LRRC56: variants seen among roughly 807,000 people sequenced by gnomAD.
LRRC56 encodes leucine-rich repeat-containing protein 56.
Under a neutral mutation model 47.8 loss-of-function variants are expected in LRRC56, and 41 were observed. The ratio of observed to expected loss-of-function variants is 0.86; its 90% CI spans 0.67 to 1.11. LRRC56 has a LOEUF of 1.11. Ranked by LOEUF, LRRC56 falls within the 50% of genes most tolerant of loss-of-function variation. The pLI is 0.00. For synonymous variants in LRRC56, 387 were observed against 311.2 expected, an observed-to-expected ratio of 1.24 and a Z score of -2.56; for missense variants, 759 against 704.2, an observed-to-expected ratio of 1.08 and a Z score of -0.88.
chr11:520,614 C>T, the LRRC56 span, among the ~76,000 whole-genome samples: 1 of 152,116 alleles, frequency 6.6e-6, no homozygotes, highest in Non-Finnish European at 1.5e-5. Flanking sequence ...CCACCGCGCC[C>T]GGCCTAGTAT....
chr11:517,814 T>C, the LRRC56 span, among the ~76,000 whole-genome samples: 1 of 152,246 alleles, frequency 6.6e-6, no homozygotes, highest in African/African-American at 2.4e-5. Flanking sequence ...CTCCGTTTTG[T>C]TCTGTACTAA....
Position 549,929 on chromosome 11 carries a change from G to A in LRRC56, c.354G>A (p.Leu118=), listed in dbSNP as rs1171824061. The change falls in exon 7 of 14, where the codon CTG becomes CTA. Residue 118 remains leucine, a synonymous_variant. Coordinates refer to ENST00000270115, the MANE Select transcript of LRRC56 (RefSeq NM_198075.4). ...LRDLGTSLGH[L]QVLWLARCGL... The stretch of plus-strand genomic sequence containing the variant: ...ACTTGGGCACGTCTCTGGGCCACCT[G>A]CAGGTGCTGTGGCTGGCTCGCTGTG... 1 of 1,612,888 alleles carries A rather than the reference G, an allele frequency of 6.2e-7. No homozygotes were observed. The highest frequency in any genetic ancestry group is 1.3e-5 in the African/African-American group (1 of 74,934).
At chr11:533,329 G>A (rs1057522069), upstream of LRRC56, 12 of 1,604,484 alleles carry the variant, frequency 7.5e-6, no homozygotes, top group Admixed American at 3.3e-5. Flanking sequence ...AGAGGGTCCC[G>A]GAGCTGGAGC....
chr11:541,589 G>T lies in LRRC56; in HGVS notation c.230G>T (p.Cys77Phe). 1 of 1,591,650 alleles carries T rather than the reference G, an allele frequency of 6.3e-7. No homozygotes were observed. The stretch of plus-strand genomic sequence containing the variant: ...CGGCTGGTGAGGACGCTGGAGATGT[G>T]TGTGGACACTCGTGAGGGCAGCCTG... ...DLRLVRTLEM[C>F]VDTREGSLGN... Residue 77 changes from cysteine to phenylalanine, a missense_variant, in exon 5 of 14, where the codon TGT becomes TTT. Cys to Phe is a radical substitution (Grantham distance 205). Transcript: ENST00000270115. The surrounding 1 kb of genome is among the most constrained non-coding windows in gnomAD (Gnocchi z 4.1).
Position 550,070 on chromosome 11 carries a change from A to T in LRRC56, c.424-2A>T. 6.2e-7 allele frequency: 1 copy of T among 1,611,796 alleles called. No homozygotes were observed. Among genetic ancestry groups the T allele is most frequent in the Non-Finnish European group, 8.5e-7 (1 of 1,178,696 alleles). On this transcript the variant is annotated splice_acceptor_variant, in intron 7 of 13. Transcript: ENST00000270115. LOFTEE classifies it high-confidence loss of function. ...CCTGGCTCAGAGCCCCGCGCTGCCCAGGAACTCTACGCCTCCTACAACAAC... is the reference window on the plus strand; with the variant it reads ...CCTGGCTCAGAGCCCCGCGCTGCCCTGGAACTCTACGCCTCCTACAACAAC...
chr11:509,833 G>A, the LRRC56 span, among the ~76,000 whole-genome samples: 166 of 151,502 alleles, frequency 1.1e-3, 1 homozygote, highest in African/African-American at 3.9e-3. Context: ...AAAGTGCCTG[G>A]CCTTCATTTT....
intron 1 of LRRC56, among the ~76,000 whole-genome samples, chr11:537,806 C>T (rs1402907741): frequency 6.6e-6 from 1 of 152,182 alleles, no homozygotes; most frequent in Non-Finnish European, 1.5e-5. Flanking sequence ...GAAAGGGCTC[C>T]CTGTCAGGAG....
In LRRC56 at chr11:550,828, C is replaced by G. The variant is rs527808469; in HGVS notation, c.625-303C>G. 3.9e-5 allele frequency among the ~76,000 whole-genome samples: 6 copies of G among 152,284 alleles called. No individual in the cohort carries two copies. In the East Asian group the frequency reaches 1.2e-3, roughly 29 times the overall value. On this transcript the variant is annotated intron_variant, in intron 8 of 13. Transcript: ENST00000270115. ...GTCAGCGTCTACCAGTGCCCAGTAG[C>G]TACTGCTCCGTGGGCCAGAGCCCTG... is the stretch of plus-strand genomic sequence containing the variant.
intron 12 of LRRC56, 50 bp from the exon 13 acceptor site, chr11:552,519 G>C (rs766796612): frequency 6.6e-7 from 1 of 1,515,702 alleles, no homozygotes; most frequent in East Asian, 2.4e-5. Context: ...TATGTGTCCT[G>C]TCCCGTGGGG....
chr11:523,657 G>C, the LRRC56 span, among the ~76,000 whole-genome samples: 1 of 150,716 alleles, frequency 6.6e-6, no homozygotes, highest in Non-Finnish European at 1.5e-5. Flanking sequence ...GGGGGGCCGG[G>C]CGCGGTGGCT....
At chr11:533,215 G>C, upstream of LRRC56, 1 of 1,399,938 alleles carries the variant, frequency 7.1e-7, no homozygotes, top group East Asian at 2.5e-5. Context: ...CAGGACTGCA[G>C]GGCGTGAGCC....
upstream of LRRC56, chr11:533,988 G>A (rs548634688): frequency 6.3e-7 from 1 of 1,587,546 alleles, no homozygotes. Flanking sequence ...GACCTTCCGT[G>A]GGGGGAGTTC....
the LRRC56 span, among the ~76,000 whole-genome samples, chr11:512,578 A>G: frequency 2.0e-5 from 3 of 152,190 alleles, no homozygotes; most frequent in Non-Finnish European, 4.4e-5. Context: ...GTGCGAGGAA[A>G]GGGCACCCTT....
upstream of LRRC56, chr11:533,650 C>T (rs2133988601): frequency 1.9e-6 from 3 of 1,613,306 alleles, no homozygotes; most frequent in South Asian, 1.1e-5. Context: ...ACGGGGGCTG[C>T]AGGCGCAGCG....
At chr11:532,379 G>C in the LRRC56 span, 9 of 584,352 alleles carry the variant, frequency 1.5e-5, 1 homozygote, top group South Asian at 1.2e-4. Flanking sequence ...CTCCCTGGGA[G>C]GGTCTGCAGT....
At position 551,111 on chromosome 11, in the gene LRRC56, C is replaced by G; in HGVS notation, c.625-20C>G. 1 of 1,376,920 alleles carries G rather than the reference C, an allele frequency of 7.3e-7. No homozygotes were observed. Among genetic ancestry groups the G allele is most frequent in the African/African-American group, 1.5e-5 (1 of 67,194 alleles). The allele number at this position is 1,376,920 out of a possible 1,614,324, so 85.3% of individuals were successfully genotyped here. On this transcript the variant is annotated intron_variant, in intron 8 of 13. Coordinates refer to ENST00000270115, the MANE Select transcript of LRRC56 (RefSeq NM_198075.4). ...CTGGACCCAGACCTGCCCTCCCTCCCCCTCCCCCTCCCCCTGCAGGTGCCC... is the reference window on the plus strand; with the variant it reads ...CTGGACCCAGACCTGCCCTCCCTCCGCCTCCCCCTCCCCCTGCAGGTGCCC...
In LRRC56 at chr11:541,786, C is replaced by T. The variant is rs1036773744; in HGVS notation, c.265+162C>T. 1.3e-5 allele frequency among the ~76,000 whole-genome samples: 2 copies of T among 151,976 alleles called. No individual in the cohort carries two copies. Among genetic ancestry groups the T allele is most frequent in the Non-Finnish European group, 2.9e-5 (2 of 67,966 alleles). On this transcript the variant is annotated intron_variant, in intron 5 of 13. Coordinates refer to ENST00000270115, the MANE Select transcript of LRRC56 (RefSeq NM_198075.4). The surrounding 1 kb of genome is among the most constrained non-coding windows in gnomAD (Gnocchi z 4.1). ...ACCTGAGGTCTGTGTCAGGTACAGG[C>T]AGAGGGCAATGCACTCAGCACCCCG...
chr11:538,278 T>C (rs1217962288), intron 1 of LRRC56, among the ~76,000 whole-genome samples: 9 of 152,142 alleles, frequency 5.9e-5, no homozygotes, highest in Non-Finnish European at 1.0e-4. Flanking sequence ...GTGTCACCCA[T>C]AGGTGTCCAG....
chr11:510,425 A>G, the LRRC56 span, among the ~76,000 whole-genome samples: 1 of 151,738 alleles, frequency 6.6e-6, no homozygotes, highest in Admixed American at 6.6e-5. Context: ...AACATGGTGA[A>G]ACCCCATCTC....
Sources: gnomAD v4.1 joint callset for allele counts (sites outside exome capture counted in the v4.1 genomes callset) on GRCh38, gnomAD v4.1.1 for gene constraint, Gnocchi (gnomAD v3.1) non-coding constraint, MANE v1.5 for transcripts, NCBI Gene and HGNC (gene_info 2026-07-23, HGNC 2026-07-21) for gene names.